ZFHX3: variants seen among roughly 807,000 people sequenced by gnomAD.
ZFHX3 encodes zinc finger homeobox protein 3.
In ZFHX3, 42 loss-of-function variants were observed where a neutral mutation model predicts 279.1. The ratio of observed to expected loss-of-function variants is 0.15; its 90% CI spans 0.12 to 0.19. The LOEUF (loss-of-function observed/expected upper bound fraction) is 0.19, where lower values mean the gene tolerates loss of function less well. Ranked by LOEUF, ZFHX3 falls within the 10% of genes least tolerant of loss-of-function variation. ZFHX3 has a pLI of 1.00. For missense variants in ZFHX3, 4,981 were observed against 4,754.0 expected (o/e 1.05, Z -1.40); for synonymous variants, 2,293 against 1,957.8 (o/e 1.17, Z -4.52).
chr16:73,065,609 G>T (rs930560008), intron 8 of ZFHX3, among the ~76,000 whole-genome samples: 1 of 126,510 alleles, frequency 7.9e-6, no homozygotes, highest in East Asian at 2.5e-4. Context: ...GTGTGTGTGC[G>T]TGTGTGTGTC....
chr16:73,300,949 C>G (rs1327022522), intron 4 of ZFHX3, among the ~76,000 whole-genome samples: 1 of 152,200 alleles, frequency 6.6e-6, no homozygotes, highest in African/African-American at 2.4e-5. Context: ...CTGATAAGAT[C>G]GGCCTGCATT....
chr16:73,308,748 T>C (rs2015253236), intron 4 of ZFHX3, among the ~76,000 whole-genome samples: 1 of 152,012 alleles, frequency 6.6e-6, no homozygotes, highest in Non-Finnish European at 1.5e-5. Flanking sequence ...TGAGAAGACA[T>C]ATGAGTATTA....
At chr16:72,957,396 T>C (rs762911531) in intron 2 of ZFHX3, 31 bp downstream of exon 2, 6 of 1,567,130 alleles carry the variant, frequency 3.8e-6, no homozygotes, top group Non-Finnish European at 8.7e-7. Context: ...ACTCCTATCA[T>C]GAAAACAGAC....
Position 73,583,902 on chromosome 16 carries a change from T to C in ZFHX3, c.-1547+96278A>G, listed in dbSNP as rs140929483. On this transcript the variant is annotated intron_variant, in intron 2 of 17. Coordinates refer to the ZFHX3 transcript ENST00000641206. ...TGAACGTATACAAAATGATTAACAC[T>C]ATATAAGAAATAATAAAAAGAATAG... 5.5e-3 allele frequency among the ~76,000 whole-genome samples: 831 copies of C among 152,138 alleles called. 6 individuals carry two copies. Among genetic ancestry groups the C allele is most frequent in the Non-Finnish European group, 8.2e-3 (559 of 67,992 alleles).
intron 7 of ZFHX3, among the ~76,000 whole-genome samples, chr16:73,110,632 G>C (rs1041766995): frequency 2.6e-5 from 4 of 152,024 alleles, no homozygotes; most frequent in Non-Finnish European, 5.9e-5. Flanking sequence ...ACAGTGGCTC[G>C]ATCATAGCTC....
chr16:73,596,722 C>T (rs1324819427), intron 2 of ZFHX3, among the ~76,000 whole-genome samples: 1 of 152,204 alleles, frequency 6.6e-6, no homozygotes, highest in East Asian at 1.9e-4. Context: ...TGACACTCAA[C>T]TTCCGTGATC....
At chr16:73,101,913 CTT>C (rs34658877) in intron 7 of ZFHX3, among the ~76,000 whole-genome samples, 63 of 116,514 alleles carry the variant, frequency 5.4e-4, no homozygotes, top group Admixed American at 7.3e-4. Context: ...ATTCTCACCT[CTT>C]TTTTTTTTTT....
intron 2 of ZFHX3, among the ~76,000 whole-genome samples, chr16:73,463,270 A>G (rs1346539558): frequency 2.0e-5 from 3 of 152,240 alleles, no homozygotes; most frequent in Non-Finnish European, 4.4e-5. Context: ...CCATTAAGAA[A>G]GTGATATTGT....
chr16:73,009,347 C>T (rs973136624), intron 1 of ZFHX3, among the ~76,000 whole-genome samples: 2 of 151,904 alleles, frequency 1.3e-5, no homozygotes, highest in Non-Finnish European at 2.9e-5. Flanking sequence ...TGAAGGATGC[C>T]GGTAAACAGA....
At chr16:72,881,527 C>T (rs1436003281) in intron 4 of ZFHX3, among the ~76,000 whole-genome samples, 2 of 152,154 alleles carry the variant, frequency 1.3e-5, no homozygotes, top group Non-Finnish European at 2.9e-5. Flanking sequence ...CCTCCCTGGC[C>T]CCTACCAAGG....
At chr16:73,641,808 C>T (rs1212365326) in intron 2 of ZFHX3, among the ~76,000 whole-genome samples, 1 of 152,008 alleles carries the variant, frequency 6.6e-6, no homozygotes, top group Non-Finnish European at 1.5e-5. Flanking sequence ...TAATCATAAG[C>T]CTTTTAGTAT....
intron 1 of ZFHX3, among the ~76,000 whole-genome samples, chr16:72,989,969 G>A (rs895720310): frequency 1.3e-5 from 2 of 152,200 alleles, no homozygotes; most frequent in African/African-American, 2.4e-5. Flanking sequence ...GAGTCAGGAG[G>A]CCCAGACCTT....
intron 1 of ZFHX3, among the ~76,000 whole-genome samples, chr16:73,882,718 C>T (rs1248531129): frequency 1.3e-5 from 2 of 152,114 alleles, no homozygotes; most frequent in Admixed American, 1.3e-4. Context: ...CCCATTTTCC[C>T]CTTTCCAGCC....
intron 4 of ZFHX3, among the ~76,000 whole-genome samples, chr16:73,277,071 C>T (rs1396231517): frequency 2.0e-5 from 3 of 152,150 alleles, no homozygotes; most frequent in South Asian, 2.1e-4. Context: ...TTTCATTAAA[C>T]GTACTGGCAA....
At chr16:72,990,006 C>A (rs564394825) in intron 1 of ZFHX3, among the ~76,000 whole-genome samples, 6 of 152,168 alleles carry the variant, frequency 3.9e-5, no homozygotes, top group Non-Finnish European at 2.9e-5. Context: ...ACAGCCAATT[C>A]GCTGGCCCTC....
chr16:73,835,467 T>C lies in ZFHX3; in HGVS notation c.-1608+56184A>G, dbSNP rs1280111431. Reference sequence around the variant, plus strand: ...CACCATCCCTCTTCTGCTTTTTTTTTTTTTTTTTTTTTTTTTTTTTGAGAT... The same window carrying C: ...CACCATCCCTCTTCTGCTTTTTTTTCTTTTTTTTTTTTTTTTTTTTGAGAT... On this transcript the variant is annotated intron_variant, in intron 1 of 17. Transcript: ENST00000641206. Among the ~76,000 whole-genome samples, 4 of 128,178 alleles carry C rather than the reference T, an allele frequency of 3.1e-5. No homozygotes were observed. The East Asian group carries it at 8.8e-4, about 28-fold the overall frequency. 84.1% of individuals were successfully genotyped at this position (128,178 alleles called of 152,430 possible).
intron 1 of ZFHX3, among the ~76,000 whole-genome samples, chr16:73,885,338 A>T (rs1248081421): frequency 6.6e-6 from 1 of 152,190 alleles, no homozygotes; most frequent in African/African-American, 2.4e-5. Context: ...TATGACATTC[A>T]TGATTATAGC....
chr16:73,689,826 G>T (rs2009918), intron 1 of ZFHX3, among the ~76,000 whole-genome samples: 89,424 of 148,840 alleles, frequency 0.6, 27,106 homozygotes, highest in Non-Finnish European at 0.64. Flanking sequence ...TGTTTTTTTT[G>T]TTGTTGTTGT....
chr16:73,589,817 T>C (rs2051975323), intron 2 of ZFHX3, among the ~76,000 whole-genome samples: 1 of 131,792 alleles, frequency 7.6e-6, no homozygotes, highest in Admixed American at 8.3e-5. Flanking sequence ...CTGGTAAAAG[T>C]ATAAAACAGC....
Sources: allele counts gnomAD v4.1 joint callset (sites outside exome capture counted in the v4.1 genomes callset), GRCh38; gene constraint gnomAD v4.1.1; transcripts MANE v1.5; gene names NCBI Gene and HGNC (gene_info 2026-07-23, HGNC 2026-07-21).